The following DLG2 variants were observed in gnomAD, a reference collection of about 807,000 sequenced individuals.
DLG2 encodes disks large homolog 2.
Under a neutral mutation model 132.5 loss-of-function variants are expected in DLG2, and 45 were observed. The ratio of observed to expected loss-of-function variants is 0.34; its 90% CI spans 0.27 to 0.44. The LOEUF (loss-of-function observed/expected upper bound fraction) is 0.44, where lower values mean the gene tolerates loss of function less well. DLG2 is among the 20% of genes least tolerant of loss of function. The pLI is 1.00. For missense variants in DLG2, 1,045 were observed against 1,196.9 expected (o/e 0.87, Z 1.87); for synonymous variants, 424 against 419.6 (o/e 1.01, Z -0.13).
At chr11:84,913,119 A>G (rs1014188592) in intron 6 of DLG2, among the ~76,000 whole-genome samples, 3 of 152,214 alleles carry the variant, frequency 2.0e-5, no homozygotes, top group African/African-American at 7.2e-5. Context: ...GTCTCTGGAG[A>G]GTAAAAATGA....
intron 14 of DLG2, among the ~76,000 whole-genome samples, chr11:83,947,616 C>G (rs1314667024): frequency 6.6e-6 from 1 of 152,116 alleles, no homozygotes; most frequent in African/African-American, 2.4e-5. Flanking sequence ...TAATGGCCAC[C>G]CTGAATGTAG....
intron 7 of DLG2, among the ~76,000 whole-genome samples, chr11:84,313,691 G>GAAAGAAAGAAAGAAAGAA (rs2098326095): frequency 4.1e-5 from 4 of 96,984 alleles, no homozygotes; most frequent in African/African-American, 1.2e-4. Flanking sequence ...GAAAGAAAAA[G>GAAAGAAAGAAAGAAAGAA]AAAGAGGATA....
At chr11:84,775,736 C>A (rs933592128) in intron 6 of DLG2, among the ~76,000 whole-genome samples, 11 of 152,048 alleles carry the variant, frequency 7.2e-5, no homozygotes, top group Admixed American at 3.3e-4. Flanking sequence ...ACACTGGGTA[C>A]TACTGGAGGG....
intron 7 of DLG2, among the ~76,000 whole-genome samples, chr11:84,497,849 G>A (rs1255142355): frequency 6.6e-6 from 1 of 152,134 alleles, no homozygotes; most frequent in Non-Finnish European, 1.5e-5. Flanking sequence ...TGATCTGACA[G>A]TAGGCAGCCA....
chr11:84,138,738 C>T (rs948636885), intron 9 of DLG2, among the ~76,000 whole-genome samples: 1 of 152,094 alleles, frequency 6.6e-6, no homozygotes, highest in African/African-American at 2.4e-5. Flanking sequence ...CACTTTATGT[C>T]AGGAGTTCGA....
chr11:84,860,486 T>TA (rs1328919772), intron 6 of DLG2, among the ~76,000 whole-genome samples: 1 of 152,076 alleles, frequency 6.6e-6, no homozygotes, highest in Non-Finnish European at 1.5e-5. Flanking sequence ...TTGTTGAAAA[T>TA]AAAAAGCTAT....
intron 7 of DLG2, among the ~76,000 whole-genome samples, chr11:84,474,128 T>A (rs1399795969): frequency 6.6e-6 from 1 of 152,024 alleles, no homozygotes; most frequent in Non-Finnish European, 1.5e-5. Context: ...TTTCTCACAA[T>A]CCCATTTCTG....
chr11:83,486,433 G>C (rs1326146612), intron 21 of DLG2, among the ~76,000 whole-genome samples: 3 of 151,994 alleles, frequency 2.0e-5, no homozygotes, highest in Non-Finnish European at 4.4e-5. Context: ...TGTAGACAGA[G>C]AGGGACAATG....
chr11:83,862,128 T>C (rs892914993), intron 16 of DLG2, among the ~76,000 whole-genome samples: 2 of 152,208 alleles, frequency 1.3e-5, no homozygotes, highest in Non-Finnish European at 2.9e-5. Context: ...ATATCAAAGA[T>C]ATCTGTGCTC....
At chr11:83,856,806 CT>C in intron 16 of DLG2, among the ~76,000 whole-genome samples, 1 of 152,254 alleles carries the variant, frequency 6.6e-6, no homozygotes, top group East Asian at 1.9e-4. Context: ...GTTTCTTTTG[CT>C]GTACAGAAGC....
In DLG2 at chr11:84,172,629, A is replaced by G. The variant is rs540493520; in HGVS notation, c.574-9118T>C. 7.9e-5 allele frequency among the ~76,000 whole-genome samples: 12 copies of G among 151,554 alleles called. 1 individual carries two copies. In the South Asian group the frequency reaches 2.5e-3, roughly 32 times the overall value. On this transcript the variant is annotated intron_variant, in intron 8 of 27. Coordinates refer to ENST00000376104, the MANE Select transcript of DLG2 (RefSeq NM_001142699.3). ...GCAATCTCGGCTCACTGCAACCTCC[A>G]CCTCCCGAGTTCAACCAATTCTCCT...
chr11:84,923,691 C>T lies in DLG2; in HGVS notation c.357+187970G>A, dbSNP rs577274807. 12 of 551,450 alleles carry T rather than the reference C, an allele frequency of 2.2e-5. No homozygotes were observed. The South Asian group carries it at 6.4e-4, about 29-fold the overall frequency. 34.2% of individuals were successfully genotyped at this position (551,450 alleles called of 1,614,324 possible). On this transcript the variant is annotated intron_variant, in intron 6 of 27. Coordinates refer to ENST00000376104, the MANE Select transcript of DLG2 (RefSeq NM_001142699.3). The stretch of plus-strand genomic sequence containing the variant: ...CTGTTTGGCAAATACTACAAATCAC[C>T]GCAAGCATGTCTCATTCTGCTTCTC...
chr11:85,277,843 G>C (rs531015660), intron 4 of DLG2, among the ~76,000 whole-genome samples: 4 of 152,014 alleles, frequency 2.6e-5, no homozygotes, highest in Non-Finnish European at 2.9e-5. Flanking sequence ...ACAGTTTCTG[G>C]TGTGACAGCT....
At chr11:84,828,748 C>T (rs1357019351) in intron 6 of DLG2, among the ~76,000 whole-genome samples, 1 of 151,688 alleles carries the variant, frequency 6.6e-6, no homozygotes, top group African/African-American at 2.4e-5. Flanking sequence ...CAATTCTAGC[C>T]CAGTACATAA....
At chr11:84,146,342 T>C (rs1259461482) in intron 9 of DLG2, among the ~76,000 whole-genome samples, 2 of 152,148 alleles carry the variant, frequency 1.3e-5, no homozygotes, top group African/African-American at 4.8e-5. Context: ...AACAAAAAAG[T>C]ATAATTGGAT....
rs1183781579 is a variant in DLG2 at position 83,471,746 on chromosome 11, A to G, written c.2345-19T>C. On this transcript the variant is annotated intron_variant, in intron 23 of 27. Transcript: ENST00000376104. ...TAGTTTACTGCAGAATGGGAAAGGA[A>G]GATGTAGGTAAAGAGAAAGAGTTGG... 6.3e-7 allele frequency: 1 copy of G among 1,599,752 alleles called. No homozygotes were observed. Among genetic ancestry groups the G allele is most frequent in the Non-Finnish European group, 8.6e-7 (1 of 1,167,864 alleles).
At chr11:85,482,880 C>G (rs2093332272) in intron 3 of DLG2, among the ~76,000 whole-genome samples, 2 of 152,178 alleles carry the variant, frequency 1.3e-5, no homozygotes, top group South Asian at 4.1e-4. Flanking sequence ...AAGACCACCC[C>G]TTCTGACCCA....
intron 6 of DLG2, among the ~76,000 whole-genome samples, chr11:84,654,700 T>G (rs1466645007): frequency 6.6e-6 from 1 of 152,224 alleles, no homozygotes; most frequent in African/African-American, 2.4e-5. Context: ...TCTTACTTAC[T>G]TTTGAACATG....
At chr11:83,729,965 C>T (rs888025001) in intron 18 of DLG2, among the ~76,000 whole-genome samples, 15 of 151,870 alleles carry the variant, frequency 9.9e-5, no homozygotes, top group Non-Finnish European at 1.6e-4. Context: ...AAAAGTAAAC[C>T]GCTTTATAGA....
Sources: allele counts gnomAD v4.1 joint callset (sites outside exome capture counted in the v4.1 genomes callset), GRCh38; gene constraint gnomAD v4.1.1; transcripts MANE v1.5; gene names NCBI Gene and HGNC (gene_info 2026-07-23, HGNC 2026-07-21).